CNTNAP2: variants seen among roughly 807,000 people sequenced by gnomAD.
CNTNAP2 encodes contactin associated protein 2.
Under a neutral mutation model 155.2 loss-of-function variants are expected in CNTNAP2, and 98 were observed. The ratio of observed to expected loss-of-function variants is 0.63; its 90% CI spans 0.54 to 0.75. The LOEUF (loss-of-function observed/expected upper bound fraction) is 0.75. CNTNAP2 is among the 30% of genes least tolerant of loss of function. CNTNAP2 has a pLI of 0.00. For synonymous variants in CNTNAP2, 651 were observed against 631.2 expected (o/e 1.03, Z -0.47); for missense variants, 1,727 against 1,688.1 (o/e 1.02, Z -0.40).
intron 13 of CNTNAP2, among the ~76,000 whole-genome samples, chr7:147,854,386 C>T (rs1799000910): frequency 6.6e-6 from 1 of 152,128 alleles, no homozygotes; most frequent in Admixed American, 6.6e-5. Context: ...GCTGAACCAA[C>T]TGAAAAAGAG....
At position 146,144,638 on chromosome 7, in the gene CNTNAP2, CAGGGCTGAGACTATGTCATTCT is replaced by C. The variant is rs561548042; in HGVS notation, c.97+27668_97+27689del. On this transcript the variant is annotated intron_variant, in intron 1 of 23. Coordinates refer to ENST00000361727, the MANE Select transcript of CNTNAP2 (RefSeq NM_014141.6). ...TAGCCATTGTTATTCATTGACATTTCAGGGCTGAGACTATGTCATTCTAGAACTTCGACTCATACTCTCATGT... is the reference window on the plus strand; with the variant it reads ...TAGCCATTGTTATTCATTGACATTTCAGAACTTCGACTCATACTCTCATGT... Among the ~76,000 whole-genome samples the C allele has an allele frequency of 3.1e-4, 47 of 152,230 alleles. No individual in the cohort carries two copies. In the East Asian group the frequency reaches 8.3e-3, roughly 27 times the overall value.
chr7:147,404,889 G>A (rs544580891), intron 10 of CNTNAP2, among the ~76,000 whole-genome samples: 7 of 152,250 alleles, frequency 4.6e-5, no homozygotes, highest in African/African-American at 1.7e-4. Flanking sequence ...GAATACTAGA[G>A]TGACAAAAAC....
chr7:147,236,920 GC>G (rs1803818678), intron 8 of CNTNAP2, among the ~76,000 whole-genome samples: 1 of 152,014 alleles, frequency 6.6e-6, no homozygotes, highest in Non-Finnish European at 1.5e-5. Context: ...TGATTGCCAT[GC>G]CCAAAATTCT....
chr7:147,509,104 G>A (rs545291957), intron 11 of CNTNAP2, among the ~76,000 whole-genome samples: 10 of 152,166 alleles, frequency 6.6e-5, no homozygotes, highest in South Asian at 4.2e-4. Context: ...CTTTGTACAC[G>A]TCTTTGTATG....
chr7:147,368,340 A>T (rs996223834), intron 9 of CNTNAP2, among the ~76,000 whole-genome samples: 6 of 151,974 alleles, frequency 3.9e-5, no homozygotes, highest in Admixed American at 3.3e-4. Flanking sequence ...ATCCCTGAGG[A>T]TATTCTGAAG....
chr7:146,971,107 A>G (rs1797786657), intron 3 of CNTNAP2, among the ~76,000 whole-genome samples: 1 of 152,142 alleles, frequency 6.6e-6, no homozygotes. Context: ...ACCTAATGCT[A>G]AATGACAAGT....
chr7:147,229,882 A>G (rs1261488155), intron 8 of CNTNAP2, among the ~76,000 whole-genome samples: 3 of 152,198 alleles, frequency 2.0e-5, no homozygotes, highest in Admixed American at 6.5e-5. Flanking sequence ...GGCTCTATTA[A>G]TGCTTTATAT....
rs113627100 is a variant in CNTNAP2, at chr7:147,432,138, T to C, written c.1670+36358T>C. On this transcript the variant is annotated intron_variant, in intron 10 of 23. Coordinates refer to ENST00000361727, the MANE Select transcript of CNTNAP2 (RefSeq NM_014141.6). The stretch of plus-strand genomic sequence containing the variant: ...AACTCTTTAAATTGTTAAAACACTT[T>C]AGAACCGAGTTTCTTAACCTCAGCC... Among the ~76,000 whole-genome samples the C allele has an allele frequency of 4.5e-4, 68 of 152,350 alleles. 1 individual carries two copies. The highest frequency in any genetic ancestry group is 1.6e-3 in the African/African-American group (67 of 41,578).
chr7:147,489,414 T>C (rs1417587062), intron 11 of CNTNAP2, among the ~76,000 whole-genome samples: 1 of 152,174 alleles, frequency 6.6e-6, no homozygotes, highest in Non-Finnish European at 1.5e-5. Flanking sequence ...TGTTACAAAA[T>C]GCAAATACAT....
At chr7:146,683,019 T>C (rs932031234) in intron 1 of CNTNAP2, among the ~76,000 whole-genome samples, 3 of 152,010 alleles carry the variant, frequency 2.0e-5, no homozygotes, top group African/African-American at 7.3e-5. Flanking sequence ...TATACATATA[T>C]AACATTGTAT....
intron 1 of CNTNAP2, among the ~76,000 whole-genome samples, chr7:146,659,754 A>G (rs1800055791): frequency 6.6e-6 from 1 of 152,262 alleles, no homozygotes; most frequent in African/African-American, 2.4e-5. Flanking sequence ...GGAAACGAAC[A>G]TTAAAGGAGT....
chr7:147,094,082 C>A (rs145136512), intron 4 of CNTNAP2, among the ~76,000 whole-genome samples: 1 of 152,044 alleles, frequency 6.6e-6, no homozygotes, highest in African/African-American at 2.4e-5. Flanking sequence ...GTTTTGATGG[C>A]GGCAAAACTT....
At chr7:146,719,615 A>T (rs997775533) in intron 1 of CNTNAP2, among the ~76,000 whole-genome samples, 1 of 152,002 alleles carries the variant, frequency 6.6e-6, no homozygotes, top group Non-Finnish European at 1.5e-5. Flanking sequence ...TTTTCACTGA[A>T]TTTTGCTATC....
intron 17 of CNTNAP2, among the ~76,000 whole-genome samples, chr7:148,171,084 G>C (rs911850884): frequency 2.6e-5 from 4 of 152,172 alleles, no homozygotes; most frequent in African/African-American, 9.7e-5. Flanking sequence ...CAGGAACTAT[G>C]AGTCCTTGAG....
At chr7:147,388,810 A>G (rs1326654403) in intron 9 of CNTNAP2, among the ~76,000 whole-genome samples, 1 of 152,074 alleles carries the variant, frequency 6.6e-6, no homozygotes, top group Non-Finnish European at 1.5e-5. Context: ...TCAAACTCCT[A>G]ACTTCGTGAT....
chr7:146,390,820 G>C (rs1371732066), intron 1 of CNTNAP2, among the ~76,000 whole-genome samples: 1 of 138,554 alleles, frequency 7.2e-6, no homozygotes, highest in Non-Finnish European at 1.5e-5. Flanking sequence ...TGTAATCCCA[G>C]CACTTTGGGA....
intron 9 of CNTNAP2, among the ~76,000 whole-genome samples, chr7:147,361,714 G>T (rs1796150323): frequency 6.6e-6 from 1 of 151,584 alleles, no homozygotes; most frequent in South Asian, 2.1e-4. Context: ...AATTTTGTCT[G>T]TTTTTTTTAA....
Position 148,098,451 on chromosome 7 carries a change from A to G in CNTNAP2, c.2384-19667A>G, listed in dbSNP as rs1288536183. Among the ~76,000 whole-genome samples, 481 of 147,896 alleles carry G rather than the reference A, an allele frequency of 3.3e-3. 4 individuals carry two copies. Among genetic ancestry groups the G allele is most frequent in the African/African-American group, 0.011 (461 of 40,230 alleles). ...GAGCGAGACTCTGTCTCAGAAAAAA[A>G]AAAAAAAAAAAAAAAAAAGCATGCT... is the stretch of plus-strand genomic sequence containing the variant. On this transcript the variant is annotated intron_variant, in intron 15 of 23. Transcript: ENST00000361727.
intron 8 of CNTNAP2, among the ~76,000 whole-genome samples, chr7:147,285,593 T>C (rs186472712): frequency 4.6e-5 from 7 of 152,158 alleles, no homozygotes; most frequent in Non-Finnish European, 8.8e-5. Context: ...TTATTCCTTT[T>C]TAAAAATACT....
Sources: gnomAD v4.1 joint callset for allele counts (sites outside exome capture counted in the v4.1 genomes callset) on GRCh38, gnomAD v4.1.1 for gene constraint, MANE v1.5 for transcripts, NCBI Gene and HGNC (gene_info 2026-07-23, HGNC 2026-07-21) for gene names.